KHDRBS2: variants seen among roughly 807,000 people sequenced by gnomAD.
KHDRBS2 encodes KH domain-containing, RNA-binding, signal transduction-associated protein 2.
KHDRBS2 carries 26 observed loss-of-function variants against 44.3 expected under a neutral mutation model. The observed-to-expected ratio is 0.59, with a 90% CI of 0.43 to 0.81. The LOEUF is 0.81. Ranked by LOEUF, KHDRBS2 falls within the 40% of genes least tolerant of loss-of-function variation. The pLI is 0.00. For synonymous variants in KHDRBS2, 194 were observed against 151.1 expected (o/e 1.28, Z -2.08); for missense variants, 476 against 433.1 (o/e 1.10, Z -0.88).
intron 6 of KHDRBS2, among the ~76,000 whole-genome samples, chr6:61,776,821 A>G (rs1181853142): frequency 6.6e-6 from 1 of 152,230 alleles, no homozygotes; most frequent in Non-Finnish European, 1.5e-5. Context: ...TCGTGCTGCT[A>G]TAAAGTCACA....
the KHDRBS2 span, among the ~76,000 whole-genome samples, chr6:61,615,467 CA>C: frequency 6.6e-6 from 1 of 151,920 alleles, no homozygotes; most frequent in Non-Finnish European, 1.5e-5. Flanking sequence ...TACAAAAAAT[CA>C]GAACTAAAAA....
intron 4 of KHDRBS2, among the ~76,000 whole-genome samples, chr6:61,932,377 C>A (rs922076301): frequency 1.4e-4 from 22 of 152,152 alleles, no homozygotes; most frequent in African/African-American, 5.1e-4. Flanking sequence ...GAAATTTATT[C>A]CTCCTATCTA....
intron 1 of KHDRBS2, among the ~76,000 whole-genome samples, chr6:62,217,798 A>G (rs1283174637): frequency 6.6e-6 from 1 of 151,888 alleles, no homozygotes; most frequent in African/African-American, 2.4e-5. Context: ...GAATCCATAA[A>G]GCATCAAAAT....
At chr6:61,727,365 C>A (rs1266682951) in intron 7 of KHDRBS2, among the ~76,000 whole-genome samples, 1 of 152,152 alleles carries the variant, frequency 6.6e-6, no homozygotes, top group African/African-American at 2.4e-5. Flanking sequence ...AGGACATAGA[C>A]ACAGGCAAAG....
chr6:61,622,689 C>G, the KHDRBS2 span, among the ~76,000 whole-genome samples: 3 of 152,094 alleles, frequency 2.0e-5, no homozygotes, highest in African/African-American at 7.2e-5. Flanking sequence ...GCCTGAGTTT[C>G]CCCGGCAGGA....
intron 6 of KHDRBS2, among the ~76,000 whole-genome samples, chr6:61,888,564 T>C (rs1242126233): frequency 9.2e-5 from 5 of 54,086 alleles, no homozygotes; most frequent in East Asian, 2.0e-3. Context: ...CTAATTCCTT[T>C]TTTTTTTTTT....
chr6:61,777,721 G>T (rs1171677343), intron 6 of KHDRBS2, among the ~76,000 whole-genome samples: 1 of 152,054 alleles, frequency 6.6e-6, no homozygotes, highest in African/African-American at 2.4e-5. Flanking sequence ...TTGGGAAAGA[G>T]CATAAAAACA....
intron 2 of KHDRBS2, among the ~76,000 whole-genome samples, chr6:62,107,792 T>C (rs1157374435): frequency 3.3e-5 from 5 of 152,218 alleles, no homozygotes; most frequent in Middle Eastern, 3.4e-3. Context: ...TAATGCCGCA[T>C]ATCTACAACT....
Position 62,283,393 on chromosome 6 carries a change from T to C in KHDRBS2, c.91+2465A>G, listed in dbSNP as rs1842064073. ...AGCACTGATTTGCCTGTATCACCAA[T>C]CAAAATGCAAAATAAATCATTGTGA... is the stretch of plus-strand genomic sequence containing the variant. On this transcript the variant is annotated intron_variant, in intron 1 of 8. Coordinates refer to ENST00000281156, the MANE Select transcript of KHDRBS2 (RefSeq NM_152688.4). Among the ~76,000 whole-genome samples, 4 of 152,094 alleles carry C rather than the reference T, an allele frequency of 2.6e-5. No homozygotes were observed. In the South Asian group the frequency reaches 8.3e-4, roughly 31 times the overall value.
At chr6:62,235,771 A>T (rs1233110836) in intron 1 of KHDRBS2, among the ~76,000 whole-genome samples, 9 of 152,088 alleles carry the variant, frequency 5.9e-5, no homozygotes, top group Non-Finnish European at 1.0e-4. Context: ...TCTCCAAAAT[A>T]AACAATATAT....
At chr6:62,272,445 C>T (rs1431110167) in intron 1 of KHDRBS2, among the ~76,000 whole-genome samples, 3 of 152,114 alleles carry the variant, frequency 2.0e-5, no homozygotes, top group African/African-American at 4.8e-5. Context: ...AAAGATAATA[C>T]ATTTATCTTT....
chr6:62,240,240 G>A (rs1834376910), intron 1 of KHDRBS2, among the ~76,000 whole-genome samples: 1 of 152,056 alleles, frequency 6.6e-6, no homozygotes, highest in African/African-American at 2.4e-5. Context: ...AGTTCTCTCA[G>A]TAGGCTCCTT....
At chr6:61,601,321 G>A in the KHDRBS2 span, among the ~76,000 whole-genome samples, 1 of 151,778 alleles carries the variant, frequency 6.6e-6, no homozygotes, top group Admixed American at 6.6e-5. Context: ...TTCACTGTAG[G>A]CAAACTTCCA....
rs1201154525 is a variant in KHDRBS2, at chr6:62,278,367, T to C, written c.91+7491A>G. Reference sequence around the variant, plus strand: ...GCTGTGGGAACAAACAGCTTCACTATAGACTGTATACATAAAGAGAAACTG... The same window carrying C: ...GCTGTGGGAACAAACAGCTTCACTACAGACTGTATACATAAAGAGAAACTG... On this transcript the variant is annotated intron_variant, in intron 1 of 8. Coordinates refer to ENST00000281156, the MANE Select transcript of KHDRBS2 (RefSeq NM_152688.4). Among the ~76,000 whole-genome samples, 3 of 152,104 alleles carry C rather than the reference T, an allele frequency of 2.0e-5. 1 individual carries two copies. The highest frequency in any genetic ancestry group is 4.8e-5 in the African/African-American group (2 of 41,416).
At chr6:61,614,026 C>T in the KHDRBS2 span, among the ~76,000 whole-genome samples, 1 of 152,132 alleles carries the variant, frequency 6.6e-6, no homozygotes, top group Non-Finnish European at 1.5e-5. Context: ...TATTTTAACC[C>T]AGAAATGGTG....
chr6:62,211,815 C>T (rs893342977), intron 1 of KHDRBS2, among the ~76,000 whole-genome samples: 6 of 151,990 alleles, frequency 3.9e-5, no homozygotes, highest in African/African-American at 9.7e-5. Context: ...GGTATATACC[C>T]AAAGGAATAT....
intron 3 of KHDRBS2, among the ~76,000 whole-genome samples, chr6:62,003,803 C>G (rs190360836): frequency 5.3e-5 from 8 of 152,074 alleles, no homozygotes; most frequent in African/African-American, 1.7e-4. Flanking sequence ...GATCAGAAAT[C>G]ACAACAAACT....
At position 62,083,929 on chromosome 6, in the gene KHDRBS2, G is replaced by T. The variant is rs117122048; in HGVS notation, c.220-35935C>A. 2.8e-3 allele frequency among the ~76,000 whole-genome samples: 427 copies of T among 152,160 alleles called. 8 individuals are homozygous for T. The East Asian group carries it at 0.032, about 12-fold the overall frequency. On this transcript the variant is annotated intron_variant, in intron 2 of 8. Transcript: ENST00000281156. Reference sequence around the variant, plus strand: ...AGAAACAATTAGGTAGATCATAATGGATACCATCAAGAAGGATGTAGAAAT... The same window carrying T: ...AGAAACAATTAGGTAGATCATAATGTATACCATCAAGAAGGATGTAGAAAT...
chr6:61,591,103 A>G, the KHDRBS2 span, among the ~76,000 whole-genome samples: 1 of 152,162 alleles, frequency 6.6e-6, no homozygotes, highest in Admixed American at 6.6e-5. Context: ...AATCACAACA[A>G]TTGATCACTG....
Sources: gnomAD v4.1 joint callset for allele counts (sites outside exome capture counted in the v4.1 genomes callset) on GRCh38, gnomAD v4.1.1 for gene constraint, MANE v1.5 for transcripts, NCBI Gene and HGNC (gene_info 2026-07-23, HGNC 2026-07-21) for gene names.